Variants in DYNC2I1 observed in about 807,000 individuals in gnomAD.
DYNC2I1 encodes the protein cytoplasmic dynein 2 intermediate chain 1.
DYNC2I1 carries 89 observed loss-of-function variants against 133.4 expected under a neutral mutation model. That is an observed-to-expected ratio of 0.67 (90% confidence interval 0.56 to 0.80). The LOEUF is 0.80. Ranked by LOEUF, DYNC2I1 falls within the 30% of genes least tolerant of loss-of-function variation. DYNC2I1 has a pLI of 0.00. For missense variants in DYNC2I1, 1,291 were observed against 1,314.5 expected (o/e 0.98, Z 0.28); for synonymous variants, 504 against 484.3 (o/e 1.04, Z -0.54).
chr7:158,938,679 A>G (rs1466518698), intron 23 of DYNC2I1, among the ~76,000 whole-genome samples: 5 of 152,102 alleles, frequency 3.3e-5, no homozygotes, highest in East Asian at 3.9e-4. Context: ...TCGCTTTAAC[A>G]TGGGAGGCAA....
chr7:158,856,016 A>G (rs1584916385), upstream of DYNC2I1, among the ~76,000 whole-genome samples: 2 of 137,420 alleles, frequency 1.5e-5, no homozygotes, highest in Admixed American at 8.4e-5. Flanking sequence ...ATCTCCGCTC[A>G]CTGCAAGCTC....
At chr7:158,880,024 G>A (rs771485913) in intron 5 of DYNC2I1, 35 bp downstream of exon 5, 11 of 1,542,884 alleles carry the variant, frequency 7.1e-6, no homozygotes, top group Middle Eastern at 1.8e-4. Flanking sequence ...CTTAGCAGCC[G>A]CCCCGAGGCC....
intron 21 of DYNC2I1, 108 bp from the exon 22 acceptor site, chr7:158,934,021 T>C (rs957305862): frequency 2.7e-6 from 2 of 740,418 alleles, no homozygotes; most frequent in African/African-American, 3.6e-5. Flanking sequence ...GAATGTGACA[T>C]GGCCTGTTAT....
intron 5 of DYNC2I1, among the ~76,000 whole-genome samples, chr7:158,880,202 G>A (rs915807138): frequency 5.3e-5 from 8 of 152,190 alleles, no homozygotes; most frequent in South Asian, 2.1e-4. Context: ...TGATTATATC[G>A]TGAATGTACT....
In DYNC2I1 at chr7:158,856,668, C is replaced by T. The variant is rs913200628; in HGVS notation, c.-68C>T. 8.1e-7 allele frequency: 1 copy of T among 1,229,282 alleles called. No individual in the cohort carries two copies. Among genetic ancestry groups the T allele is most frequent in the South Asian group, 4.1e-5 (1 of 24,294 alleles). 76.1% of individuals were successfully genotyped at this position (1,229,282 alleles called of 1,614,324 possible). A position where few individuals can be genotyped will look rare whatever the true frequency, so the allele number is the denominator to read the frequency against. On this transcript the variant is annotated 5_prime_UTR_variant, in exon 1 of 25. Coordinates refer to ENST00000407559, the MANE Select transcript of DYNC2I1 (RefSeq NM_018051.5). ...CCCGAAGGGTGCGGGGCACAGGTGG[C>T]CTCTTCGGGGTGGACCGCGCCTGGC... is the stretch of plus-strand genomic sequence containing the variant.
intron 23 of DYNC2I1, among the ~76,000 whole-genome samples, chr7:158,934,778 C>T (rs774792226): frequency 5.3e-5 from 8 of 152,034 alleles, no homozygotes; most frequent in South Asian, 2.1e-4. Context: ...TTTGTAGAGA[C>T]GAGGTCTCCC....
intron 10 of DYNC2I1, chr7:158,904,864 G>C (rs1011075272): frequency 3.5e-5 from 8 of 229,550 alleles, no homozygotes; most frequent in Non-Finnish European, 8.7e-6. Flanking sequence ...ATTGCTGGCC[G>C]TAAAGCTTTG....
chr7:158,896,984 T>A (rs1845814863), intron 8 of DYNC2I1, among the ~76,000 whole-genome samples: 1 of 147,024 alleles, frequency 6.8e-6, no homozygotes, highest in Non-Finnish European at 1.5e-5. Context: ...TTGTATAATT[T>A]CTTTTTTTTT....
chr7:158,839,761 A>G, the DYNC2I1 span, among the ~76,000 whole-genome samples: 2 of 151,924 alleles, frequency 1.3e-5, no homozygotes, highest in African/African-American at 4.8e-5. Flanking sequence ...CGGAGCTTGC[A>G]GTGAGCCAAG....
chr7:158,918,621 A>G, intron 14 of DYNC2I1, 119 bp from the exon 15 acceptor site: 1 of 1,141,156 alleles, frequency 8.8e-7, no homozygotes, highest in Non-Finnish European at 1.3e-6. Flanking sequence ...TAGTTATGAT[A>G]GCGTCATGGA....
intron 20 of DYNC2I1, among the ~76,000 whole-genome samples, chr7:158,928,425 A>G (rs1223064710): frequency 1.3e-5 from 2 of 152,138 alleles, no homozygotes; most frequent in Admixed American, 6.6e-5. Flanking sequence ...ACCTCTTGAG[A>G]TGAGGGAAGA....
In DYNC2I1 at chr7:158,859,736, C is replaced by T. The variant is rs554242461; in HGVS notation, c.15+2986C>T. Among the ~76,000 whole-genome samples, 24 of 152,202 alleles carry T rather than the reference C, an allele frequency of 1.6e-4. No homozygotes were observed. The South Asian group carries it at 4.4e-3, about 28-fold the overall frequency. On this transcript the variant is annotated intron_variant, in intron 1 of 24. Coordinates refer to ENST00000407559, the MANE Select transcript of DYNC2I1 (RefSeq NM_018051.5). The stretch of plus-strand genomic sequence containing the variant: ...CAGGCTGGTCTTGATCCGCCCACCT[C>T]GGCCTCCCAAAGTGCTGGGATTATA...
chr7:158,951,915 C>T (rs1347262591), intron 4 of DYNC2I1, among the ~76,000 whole-genome samples: 2 of 152,186 alleles, frequency 1.3e-5, no homozygotes, highest in Admixed American at 6.5e-5. Context: ...TGTTCTGGAG[C>T]CTCCGTGTTG....
intron 8 of DYNC2I1, among the ~76,000 whole-genome samples, chr7:158,894,584 C>T (rs1023279359): frequency 3.3e-5 from 5 of 152,140 alleles, no homozygotes; most frequent in East Asian, 1.9e-4. Flanking sequence ...GTAGTCTATC[C>T]ACTCACTAAC....
Position 158,886,876 on chromosome 7 carries a change from C to G in DYNC2I1, c.936-145C>G, listed in dbSNP as rs529817902. On this transcript the variant is annotated intron_variant, in intron 6 of 24. Transcript: ENST00000407559. The stretch of plus-strand genomic sequence containing the variant: ...TCAATCTCCCAAATAGCTGGGATTA[C>G]AGGTGCAAGTCATCGCTCCTGGTTG... The G allele has an allele frequency of 2.0e-5, 15 of 741,318 alleles. No individual in the cohort carries two copies. In the African/African-American group the frequency reaches 2.1e-4, roughly 11 times the overall value. 45.9% of individuals were successfully genotyped at this position (741,318 alleles called of 1,614,324 possible).
chr7:158,928,243 G>T (rs1302894290), intron 20 of DYNC2I1, among the ~76,000 whole-genome samples: 1 of 151,078 alleles, frequency 6.6e-6, no homozygotes, highest in African/African-American at 2.4e-5. Flanking sequence ...GTCCTGTTGT[G>T]TTCTGTGGTT....
At chr7:158,898,870 G>GTTT (rs558644591) in intron 8 of DYNC2I1, among the ~76,000 whole-genome samples, 5 of 139,628 alleles carry the variant, frequency 3.6e-5, no homozygotes, top group African/African-American at 1.3e-4. Context: ...GTTAAAGGTT[G>GTTT]TTTTTTTTTT....
chr7:158,932,023 G>A (rs913455085), intron 21 of DYNC2I1, among the ~76,000 whole-genome samples: 7 of 152,120 alleles, frequency 4.6e-5, no homozygotes, highest in Admixed American at 1.3e-4. Context: ...CAGGTCCCAC[G>A]GCCAACTCCC....
In DYNC2I1 at chr7:158,923,289, A is replaced by G. The variant is rs545381715; in HGVS notation, c.2095-282A>G. Reference sequence around the variant, plus strand: ...GTTCAGCCGATTGAGCTGAGTGGACAGGCTCCCGGCAGGCTTTGTGTGACC... The same window carrying G: ...GTTCAGCCGATTGAGCTGAGTGGACGGGCTCCCGGCAGGCTTTGTGTGACC... On this transcript the variant is annotated intron_variant, in intron 16 of 24. Transcript: ENST00000407559. Among the ~76,000 whole-genome samples the G allele has an allele frequency of 5.8e-4, 88 of 152,300 alleles. 1 individual carries two copies. Among genetic ancestry groups the G allele is most frequent in the Non-Finnish European group, 6.6e-4 (45 of 68,024 alleles).
Sources: gnomAD v4.1 joint callset for allele counts (sites outside exome capture counted in the v4.1 genomes callset) on GRCh38, gnomAD v4.1.1 for gene constraint, MANE v1.5 for transcripts, NCBI Gene and HGNC (gene_info 2026-07-23, HGNC 2026-07-21) for gene names.